The following PACS2 variants were observed in gnomAD, a reference collection of about 807,000 sequenced individuals.
The protein encoded by PACS2 is PACS1-like protein.
PACS2 carries 36 observed loss-of-function variants against 113.0 expected under a neutral mutation model. That is an observed-to-expected ratio of 0.32 (90% confidence interval 0.24 to 0.42). The LOEUF (loss-of-function observed/expected upper bound fraction) is 0.42, where lower values mean the gene tolerates loss of function less well. Ranked by LOEUF, PACS2 falls within the 10% of genes least tolerant of loss-of-function variation. PACS2 has a pLI of 1.00. For synonymous variants in PACS2, 589 were observed against 536.1 expected (o/e 1.10, Z -1.36); for missense variants, 1,015 against 1,239.5 (o/e 0.82, Z 2.72).
Position 105,355,217 on chromosome 14 carries a change from A to C in PACS2, c.423+40A>C. The C allele has an allele frequency of 6.3e-7, 1 of 1,598,020 alleles. No individual in the cohort carries two copies. The highest frequency in any genetic ancestry group is 2.2e-5 in the East Asian group (1 of 44,540). Reference sequence around the variant, plus strand: ...TGGCGTGGCCTGCGTCGGGCTGGCCACCTGGGTGCCAGAGCATTCGCCCGT... The same window carrying C: ...TGGCGTGGCCTGCGTCGGGCTGGCCCCCTGGGTGCCAGAGCATTCGCCCGT... On this transcript the variant is annotated intron_variant, in intron 4 of 24. Transcript: ENST00000447393. This position sits in a 1 kb window ranked among gnomAD's most constrained non-coding sequence, Gnocchi z 4.1.
At chr14:105,349,329 C>G (rs952122717) in intron 2 of PACS2, among the ~76,000 whole-genome samples, 17 of 152,246 alleles carry the variant, frequency 1.1e-4, no homozygotes, top group Non-Finnish European at 1.8e-4. Flanking sequence ...ATGTCCTCAG[C>G]ATACAGGAGT....
upstream of PACS2, among the ~76,000 whole-genome samples, chr14:105,310,130 G>A (rs769204535): frequency 3.9e-5 from 6 of 152,190 alleles, no homozygotes; most frequent in Non-Finnish European, 8.8e-5. Context: ...AGTGACAACT[G>A]TCTCACTTAT....
intron 4 of PACS2, among the ~76,000 whole-genome samples, chr14:105,363,038 C>G (rs1555407016): frequency 1.3e-5 from 2 of 152,144 alleles, no homozygotes. Context: ...AGCAATAGGT[C>G]TCATAGTGGG....
intron 1 of PACS2, among the ~76,000 whole-genome samples, chr14:105,304,613 G>T (rs893267490): frequency 6.6e-6 from 1 of 152,220 alleles, no homozygotes; most frequent in Non-Finnish European, 1.5e-5. Context: ...GGGGTGCTAT[G>T]GTCTGAATGT....
At chr14:105,382,748 G>A in intron 14 of PACS2, 59 bp from the exon 15 acceptor site, 2 of 1,122,518 alleles carry the variant, frequency 1.8e-6, no homozygotes, top group Non-Finnish European at 2.6e-6. Flanking sequence ...GTGAGGGTCA[G>A]GTGCTGGGGG....
rs1208120517 is a variant in PACS2 at position 105,354,961 on chromosome 14, G to A, written c.298-91G>A. ...TCATGGGCAGCAGGTTGGCCTGGTCGCAGGCTGCAGGGTGGCTGGGCCGTC... is the reference window on the plus strand; with the variant it reads ...TCATGGGCAGCAGGTTGGCCTGGTCACAGGCTGCAGGGTGGCTGGGCCGTC... On this transcript the variant is annotated intron_variant, in intron 3 of 24. Transcript: ENST00000447393. This position sits in a 1 kb window ranked among gnomAD's most constrained non-coding sequence, Gnocchi z 4.2. 32 of 1,360,932 alleles carry A rather than the reference G, an allele frequency of 2.4e-5. No homozygotes were observed. Among genetic ancestry groups the A allele is most frequent in the Admixed American group, 8.3e-5 (4 of 48,076 alleles). 84.3% of individuals were successfully genotyped at this position (1,360,932 alleles called of 1,614,324 possible).
At position 105,314,933 on chromosome 14, in the gene PACS2, C is replaced by T; in HGVS notation, c.15C>T (p.Gly5=). The T allele has an allele frequency of 1.8e-6, 2 of 1,105,630 alleles. No homozygotes were observed. Among genetic ancestry groups the T allele is most frequent in the Admixed American group, 4.2e-5 (1 of 23,682 alleles). 68.5% of individuals were successfully genotyped at this position (1,105,630 alleles called of 1,614,324 possible). A position where few individuals can be genotyped will look rare whatever the true frequency, so the allele number is the denominator to read the frequency against. ...GGGCCGGCGCCATGGCCGAGCGAGG[C>T]CGCCTCGGCCTCCCCGGCGCGCCCG... The part of the protein sequence containing the change: MAER[G]RLGLPGAPGA... Residue 5 remains glycine (G), a synonymous_variant, in exon 1 of 25, where the codon GGC becomes GGT. Coordinates refer to ENST00000447393, the MANE Select transcript of PACS2 (RefSeq NM_001100913.3).
intron 2 of PACS2, among the ~76,000 whole-genome samples, chr14:105,351,194 G>T (rs959554901): frequency 1.3e-5 from 2 of 152,234 alleles, no homozygotes; most frequent in Non-Finnish European, 2.9e-5. Context: ...GTTTCTCGGG[G>T]CACGAGGTCC....
chr14:105,362,408 C>T (rs1289787853), intron 4 of PACS2, among the ~76,000 whole-genome samples: 2 of 146,166 alleles, frequency 1.4e-5, no homozygotes, highest in African/African-American at 2.6e-5. Context: ...CAGAGCGAGA[C>T]TCCGTCTCAA....
chr14:105,348,050 G>C lies in PACS2; in HGVS notation c.120-443G>C, dbSNP rs587717248. Among the ~76,000 whole-genome samples, 6 of 152,306 alleles carry C rather than the reference G, an allele frequency of 3.9e-5. No homozygotes were observed. Among genetic ancestry groups the C allele is most frequent in the African/African-American group, 1.4e-4 (6 of 41,564 alleles). On this transcript the variant is annotated intron_variant, in intron 1 of 24. Coordinates refer to ENST00000447393, the MANE Select transcript of PACS2 (RefSeq NM_001100913.3). This position sits in a 1 kb window ranked among gnomAD's most constrained non-coding sequence, Gnocchi z 6.4. ...GAAAGCGTATCCCAGCTATGGGCAG[G>C]GGGTCCTGGGGTGGGCAGGATTTGG...
rs971663723 is a variant in PACS2 at position 105,303,931 on chromosome 14, T to C, written c.-83+2952T>C. Among the ~76,000 whole-genome samples, 4 of 152,356 alleles carry C rather than the reference T, an allele frequency of 2.6e-5. No homozygotes were observed. The South Asian group carries it at 8.3e-4, about 32-fold the overall frequency. ...TGAGGGGTGACAGCCCCAAATCTCA[T>C]AGCCAGTAGGTAACAAAGCCAGAAT... is the stretch of plus-strand genomic sequence containing the variant. On this transcript the variant is annotated intron_variant, in intron 1 of 23. Transcript: ENST00000430725.
rs1273188156 is a variant in PACS2, at chr14:105,317,148, C to T, written c.119+2111C>T. Reference sequence around the variant, plus strand: ...GCCCAGCCATGAAGCTTCTGGGCTGCGTGTGTGCTGATGCCTTTCGGCGTG... The same window carrying T: ...GCCCAGCCATGAAGCTTCTGGGCTGTGTGTGTGCTGATGCCTTTCGGCGTG... On this transcript the variant is annotated intron_variant, in intron 1 of 24. Coordinates refer to ENST00000447393, the MANE Select transcript of PACS2 (RefSeq NM_001100913.3). This position sits in a 1 kb window ranked among gnomAD's most constrained non-coding sequence, Gnocchi z 4.2. 1.3e-5 allele frequency among the ~76,000 whole-genome samples: 2 copies of T among 152,206 alleles called. No individual in the cohort carries two copies. The highest frequency in any genetic ancestry group is 2.4e-5 in the African/African-American group (1 of 41,438).
In PACS2 at chr14:105,393,242, G is replaced by C; in HGVS notation, c.2503G>C (p.Ala835Pro). The change falls in exon 24 of 25, where the codon GCG becomes CCG. Residue 835 changes from alanine (A) to proline (P), a missense_variant. By Grantham distance (27) the Ala-to-Pro change is conservative. This residue lies in a region of PACS2 where 859 missense variants were observed against 1,056.8 expected (regional missense o/e 0.81). Coordinates refer to ENST00000447393, the MANE Select transcript of PACS2 (RefSeq NM_001100913.3). ...CCCAGTGATGTTTCTGCCCAAGAAA[G>C]CGAAGGACAAGGACGTGGAGTCTAA... Reference protein sequence around the residue: ...NKKVMFLPKKAKDKDVESKSQ... With the variant: ...NKKVMFLPKKPKDKDVESKSQ... The C allele has an allele frequency of 6.2e-7, 1 of 1,612,888 alleles. No homozygotes were observed. The highest frequency in any genetic ancestry group is 8.5e-7 in the Non-Finnish European group (1 of 1,179,856).
intron 8 of PACS2, chr14:105,371,231 G>A (rs920844700): frequency 5.9e-5 from 9 of 152,298 alleles, no homozygotes; most frequent in Non-Finnish European, 4.4e-5. Context: ...ATTCCCAAGT[G>A]CAGCTGAAGA....
intron 1 of PACS2, among the ~76,000 whole-genome samples, chr14:105,306,199 AGGGTTAGAGTTTT>A (rs2058181570): frequency 6.6e-6 from 1 of 152,206 alleles, no homozygotes; most frequent in South Asian, 2.1e-4. Flanking sequence ...CCTGACCAGC[AGGGTTAGAGTTTT>A]GAAGGACACG....
chr14:105,369,943 A>G (rs2061089206), intron 8 of PACS2, 43 bp downstream of exon 8: 2 of 1,550,650 alleles, frequency 1.3e-6, no homozygotes, highest in Admixed American at 3.5e-5. Flanking sequence ...CACGCCTGCA[A>G]CAGCACCTGG....
At chr14:105,301,780 A>G (rs1055571029) in intron 1 of PACS2, among the ~76,000 whole-genome samples, 2 of 151,964 alleles carry the variant, frequency 1.3e-5, no homozygotes, top group Non-Finnish European at 2.9e-5. Context: ...CACGCCCTCA[A>G]ATATCTGCAG....
At chr14:105,321,572 G>A (rs953647019) in intron 1 of PACS2, among the ~76,000 whole-genome samples, 12 of 151,854 alleles carry the variant, frequency 7.9e-5, no homozygotes, top group Non-Finnish European at 1.5e-4. Flanking sequence ...CATGTTGCTC[G>A]GGCTGATCTT....
At chr14:105,337,945 A>G (rs1213574283) in intron 1 of PACS2, among the ~76,000 whole-genome samples, 1 of 152,174 alleles carries the variant, frequency 6.6e-6, no homozygotes, top group African/African-American at 2.4e-5. Flanking sequence ...CGTCCCCTCC[A>G]GTCTCTGGTT....
Sources: gnomAD v4.1 joint callset for allele counts (sites outside exome capture counted in the v4.1 genomes callset) on GRCh38, gnomAD v4.1.1 for gene constraint, gnomAD v4.1.1 regional missense constraint, Gnocchi (gnomAD v3.1) non-coding constraint, MANE v1.5 for transcripts, NCBI Gene and HGNC (gene_info 2026-07-23, HGNC 2026-07-21) for gene names.